EVA1C: variants seen among roughly 807,000 people sequenced by gnomAD.
EVA1C encodes the protein protein eva-1 homolog C.
EVA1C carries 25 observed loss-of-function variants against 45.4 expected under a neutral mutation model. The ratio of observed to expected loss-of-function variants is 0.55; its 90% CI spans 0.40 to 0.77. The LOEUF (loss-of-function observed/expected upper bound fraction) is 0.77. Among genes scored for constraint, EVA1C ranks in the 30% least tolerant of loss-of-function variants. The pLI is 0.00. For missense variants in EVA1C, 479 were observed against 554.8 expected, an observed-to-expected ratio of 0.86 and a Z score of 1.37; for synonymous variants, 190 against 221.2, an observed-to-expected ratio of 0.86 and a Z score of 1.25.
At chr21:32,457,880 G>T (rs2035847731) in intron 3 of EVA1C, among the ~76,000 whole-genome samples, 160 bp downstream of exon 3, 1 of 152,148 alleles carries the variant, frequency 6.6e-6, no homozygotes, top group Admixed American at 6.5e-5. Flanking sequence ...GACAGAGAGA[G>T]AAAGAAAGAC....
At chr21:32,449,160 C>T (rs7280398) in intron 1 of EVA1C, among the ~76,000 whole-genome samples, 14,062 of 152,212 alleles carry the variant, frequency 0.092, 1,384 homozygotes, top group African/African-American at 0.25. Flanking sequence ...CCCCCACTAG[C>T]AATATCAAAC....
At chr21:32,489,859 A>AT (rs2037096599) in intron 4 of EVA1C, among the ~76,000 whole-genome samples, 1 of 152,146 alleles carries the variant, frequency 6.6e-6, no homozygotes, top group African/African-American at 2.4e-5. Flanking sequence ...ATGCCATTGT[A>AT]AATGGGATCT....
intron 3 of EVA1C, among the ~76,000 whole-genome samples, chr21:32,466,756 T>G (rs868511209): frequency 6.6e-6 from 1 of 152,098 alleles, no homozygotes; most frequent in African/African-American, 2.4e-5. Context: ...TAACTGACAC[T>G]GTGCCTTGTT....
At chr21:32,428,142 A>G (rs1439574985) in intron 1 of EVA1C, among the ~76,000 whole-genome samples, 1 of 152,184 alleles carries the variant, frequency 6.6e-6, no homozygotes, top group Non-Finnish European at 1.5e-5. Flanking sequence ...AAATTTTCCC[A>G]TAATGTTGCC....
At chr21:32,424,928 C>T (rs924005669) in intron 1 of EVA1C, among the ~76,000 whole-genome samples, 21 of 152,116 alleles carry the variant, frequency 1.4e-4, no homozygotes, top group African/African-American at 5.1e-4. Flanking sequence ...ATGATTGTGA[C>T]TCACTGCAGC....
chr21:32,496,805 G>T (rs1235427115), intron 5 of EVA1C: 3 of 783,778 alleles, frequency 3.8e-6, no homozygotes, highest in African/African-American at 3.4e-5. Flanking sequence ...ATAGCCCTGG[G>T]AACGGAGTAT....
At chr21:32,485,087 C>T (rs1049542130) in intron 4 of EVA1C, among the ~76,000 whole-genome samples, 4 of 152,180 alleles carry the variant, frequency 2.6e-5, no homozygotes, top group Admixed American at 6.5e-5. Flanking sequence ...TGACATTCTC[C>T]TCCCCTGACT....
chr21:32,507,868 G>A (rs182523893), intron 7 of EVA1C, among the ~76,000 whole-genome samples: 90 of 144,404 alleles, frequency 6.2e-4, no homozygotes, highest in South Asian at 2.5e-3. Flanking sequence ...CGTGTGTGCC[G>A]TCATGTGTGT....
intron 7 of EVA1C, among the ~76,000 whole-genome samples, chr21:32,506,393 A>T (rs979443980): frequency 2.7e-5 from 4 of 150,844 alleles, no homozygotes; most frequent in African/African-American, 4.9e-5. Flanking sequence ...CCATTTTTTT[A>T]AAATGTAAGG....
intron 6 of EVA1C, among the ~76,000 whole-genome samples, chr21:32,502,034 TTCTTTCTTTCTTTC>T: frequency 8.6e-6 from 1 of 116,476 alleles, no homozygotes; most frequent in South Asian, 2.5e-4. Flanking sequence ...CTTTCTTTCT[TTCTTTCTTTCTTTC>T]TTTCTTCTTT....
intron 4 of EVA1C, 27 bp from the exon 5 acceptor site, chr21:32,495,000 A>G: frequency 6.2e-7 from 1 of 1,611,224 alleles, no homozygotes; most frequent in Non-Finnish European, 8.5e-7. Flanking sequence ...ATGCAACCTG[A>G]AGTTCTGGGT....
intron 1 of EVA1C, among the ~76,000 whole-genome samples, chr21:32,418,208 C>G (rs1274350499): frequency 1.3e-5 from 2 of 152,178 alleles, no homozygotes; most frequent in Non-Finnish European, 2.9e-5. Flanking sequence ...CAAGATTTAT[C>G]TTTACTTTAA....
intron 5 of EVA1C, among the ~76,000 whole-genome samples, chr21:32,500,636 C>T (rs898451618): frequency 6.6e-6 from 1 of 152,034 alleles, no homozygotes; most frequent in Non-Finnish European, 1.5e-5. Context: ...CCCACCCCCC[C>T]GGTCCCAGAT....
intron 1 of EVA1C, among the ~76,000 whole-genome samples, chr21:32,427,660 C>T (rs1568866273): frequency 6.6e-6 from 1 of 150,958 alleles, no homozygotes; most frequent in Non-Finnish European, 1.5e-5. Flanking sequence ...TTGCAGTGAG[C>T]CGATATCGTG....
intron 7 of EVA1C, among the ~76,000 whole-genome samples, chr21:32,512,698 G>T (rs1274336239): frequency 6.6e-6 from 1 of 152,190 alleles, no homozygotes; most frequent in Admixed American, 6.5e-5. Context: ...ATGGGATTCA[G>T]CTTCCTCACA....
chr21:32,412,900 T>C lies in EVA1C; in HGVS notation c.47T>C (p.Val16Ala). The change falls in exon 1 of 8, where the codon GTG becomes GCG. Residue 16 changes from valine (V) to alanine (A), a missense_variant. This residue lies in a region of EVA1C where 80 missense variants were observed against 63.8 expected (regional missense o/e 1.25). Coordinates refer to ENST00000300255, the MANE Select transcript of EVA1C (RefSeq NM_058187.5). ...RARQPPTPQP[V>A]QHPGLRRQVE... ...CGCCAACCGCCGACGCCCCAGCCCG[T>C]GCAGCATCCCGGCCTCCGCCGGCAG... The C allele has an allele frequency of 6.6e-7, 1 of 1,515,548 alleles. No homozygotes were observed. The highest frequency in any genetic ancestry group is 8.8e-7 in the Non-Finnish European group (1 of 1,135,264). The allele number at this position is 1,515,548 out of a possible 1,614,324, so 93.9% of individuals were successfully genotyped here.
intron 4 of EVA1C, among the ~76,000 whole-genome samples, chr21:32,484,493 G>A (rs1284156975): frequency 3.3e-5 from 5 of 151,278 alleles, no homozygotes; most frequent in African/African-American, 9.7e-5. Context: ...GCAGTGAGCC[G>A]AGATCATGCC....
chr21:32,462,221 T>TAAAA (rs769281297), intron 3 of EVA1C, among the ~76,000 whole-genome samples: 3 of 106,330 alleles, frequency 2.8e-5, no homozygotes, highest in East Asian at 5.5e-4. Context: ...CCCCTATCTC[T>TAAAA]AAAAAAAAAA....
Position 32,457,628 on chromosome 21 carries a change from C to A in EVA1C, c.389C>A (p.Ala130Asp). 1.2e-6 allele frequency: 2 copies of A among 1,614,158 alleles called. No homozygotes were observed. Among genetic ancestry groups the A allele is most frequent in the Non-Finnish European group, 1.7e-6 (2 of 1,180,010 alleles). The change falls in exon 3 of 8, where the codon GCC (alanine) becomes GAC (aspartate). Residue 130 changes from alanine to aspartate, a missense_variant. Ala to Asp is a moderately radical substitution (Grantham distance 126, BLOSUM62 -2). Around this residue, in one of 3 missense-constraint regions of EVA1C, gnomAD observed 366 missense variants for 426.1 expected, o/e 0.86. Transcript: ENST00000300255. Reference sequence around the variant, plus strand: ...CTGGACGAATGCCAGAACCAGCGGGCCTGCCACCTCCTGGTCAATAGCCGT... The same window carrying A: ...CTGGACGAATGCCAGAACCAGCGGGACTGCCACCTCCTGGTCAATAGCCGT... The part of the protein sequence containing the change: ...KVLDECQNQR[A>D]CHLLVNSRVF...
Sources: allele counts gnomAD v4.1 joint callset (sites outside exome capture counted in the v4.1 genomes callset), GRCh38; gene constraint gnomAD v4.1.1; regional missense constraint gnomAD v4.1.1; transcripts MANE v1.5; gene names NCBI Gene and HGNC (gene_info 2026-07-23, HGNC 2026-07-21).